The following SYCP1 variants were observed in gnomAD, a reference collection of about 807,000 sequenced individuals.
SYCP1 encodes synaptonemal complex protein 1, also known as cancer/testis antigen 8.
In SYCP1, 64 loss-of-function variants were observed where a neutral mutation model predicts 153.1. That is an observed-to-expected ratio of 0.42 (90% CI 0.34 to 0.51). The LOEUF is 0.51. Among genes scored for constraint, SYCP1 ranks in the 20% least tolerant of loss-of-function variants. SYCP1 has a pLI of 0.06. For missense variants in SYCP1, 997 were observed against 1,049.0 expected, an observed-to-expected ratio of 0.95 and a Z score of 0.68; for synonymous variants, 384 against 341.8, an observed-to-expected ratio of 1.12 and a Z score of -1.36.
At chr1:114,929,033 A>G (rs1021012295) in intron 23 of SYCP1, among the ~76,000 whole-genome samples, 2 of 152,170 alleles carry the variant, frequency 1.3e-5, no homozygotes, top group African/African-American at 4.8e-5. Context: ...CTCAAATGGC[A>G]GAAGGGACAA....
chr1:114,953,633 A>G (rs1010895583), intron 27 of SYCP1, among the ~76,000 whole-genome samples: 1 of 152,126 alleles, frequency 6.6e-6, no homozygotes, highest in Non-Finnish European at 1.5e-5. Flanking sequence ...ATCTATTTCT[A>G]TGGTCTTTAT....
intron 23 of SYCP1, among the ~76,000 whole-genome samples, chr1:114,930,962 G>A (rs1349552102): frequency 1.3e-5 from 2 of 151,732 alleles, no homozygotes; most frequent in African/African-American, 2.4e-5. Context: ...AGAAATGTAA[G>A]GTTGGTTTAA....
chr1:114,900,774 G>A lies in SYCP1; in HGVS notation c.1320+5265G>A, dbSNP rs114106259. On this transcript the variant is annotated intron_variant, in intron 16 of 31. Transcript: ENST00000369522. The stretch of plus-strand genomic sequence containing the variant: ...TTGACTTCTTCCTGCATAATTAAGG[G>A]TGTGGTTAGTTCCATATGTCCCCAT... 3.3e-3 allele frequency among the ~76,000 whole-genome samples: 500 copies of A among 152,232 alleles called. 2 individuals carry two copies. Among genetic ancestry groups the A allele is most frequent in the African/African-American group, 0.011 (474 of 41,538 alleles).
chr1:114,854,428 G>C (rs926314948), upstream of SYCP1, among the ~76,000 whole-genome samples: 7 of 152,224 alleles, frequency 4.6e-5, no homozygotes, highest in African/African-American at 7.2e-5. Flanking sequence ...GTGAGCCACC[G>C]GCCCGCCTAG....
chr1:114,909,860 T>C (rs1033398701), intron 16 of SYCP1, among the ~76,000 whole-genome samples: 12 of 152,208 alleles, frequency 7.9e-5, no homozygotes, highest in Non-Finnish European at 1.3e-4. Context: ...GTAGTCTCAT[T>C]ACTGGCTTTC....
At position 114,913,639 on chromosome 1, in the gene SYCP1, A is replaced by G. The variant is rs187067369; in HGVS notation, c.1648-336A>G. Among the ~76,000 whole-genome samples, 477 of 152,192 alleles carry G rather than the reference A, an allele frequency of 3.1e-3. 1 individual carries two copies. The highest frequency in any genetic ancestry group is 0.01 in the Admixed American group (154 of 15,264). On this transcript the variant is annotated intron_variant, in intron 19 of 31. Transcript: ENST00000369522. ...AGGCTTCTGAGAGAATATAGCATTG[A>G]TTTTGGTCTTAAAAGGTGAATTATG...
intron 27 of SYCP1, among the ~76,000 whole-genome samples, chr1:114,955,109 G>A (rs28873778): frequency 0.016 from 2,403 of 152,192 alleles, 67 homozygotes; most frequent in African/African-American, 0.054. Context: ...TTTAAAAATC[G>A]TGAATTGGTA....
chr1:114,860,376 C>T (rs945731705), intron 7 of SYCP1, among the ~76,000 whole-genome samples: 8 of 151,970 alleles, frequency 5.3e-5, no homozygotes, highest in African/African-American at 1.9e-4. Context: ...AATGAATGGC[C>T]CAACCTATTC....
rs1227094709 is a variant in SYCP1, at chr1:114,946,486, C to G, written c.2247+105C>G. On this transcript the variant is annotated intron_variant, in intron 26 of 31. Transcript: ENST00000369522. ...AAAACTAATTTTTGAGCTATAGAAT[C>G]AGAGTCTTAACTCTGAAAGGGATCT... 18 of 624,168 alleles carry G rather than the reference C, an allele frequency of 2.9e-5. No individual in the cohort carries two copies. The South Asian group carries it at 3.2e-4, about 11-fold the overall frequency. 38.7% of individuals were successfully genotyped at this position (624,168 alleles called of 1,614,324 possible).
chr1:114,891,873 C>A (rs577921374), intron 15 of SYCP1, among the ~76,000 whole-genome samples: 2 of 152,272 alleles, frequency 1.3e-5, no homozygotes, highest in South Asian at 4.1e-4. Flanking sequence ...GAGGTTTGCA[C>A]TCTTCTTGGA....
chr1:114,957,272 C>G (rs996234903), intron 27 of SYCP1, among the ~76,000 whole-genome samples: 2 of 152,148 alleles, frequency 1.3e-5, no homozygotes, highest in Non-Finnish European at 2.9e-5. Flanking sequence ...GTTGCCTAAA[C>G]TGGTCTTGAA....
intron 12 of SYCP1, among the ~76,000 whole-genome samples, chr1:114,884,165 G>T (rs17032950): frequency 0.015 from 2,316 of 152,264 alleles, 52 homozygotes; most frequent in African/African-American, 0.053. Flanking sequence ...CTCTGAGCAA[G>T]TTATATAAGT....
intron 8 of SYCP1, among the ~76,000 whole-genome samples, chr1:114,862,658 A>G (rs1003726502): frequency 1.3e-5 from 2 of 152,094 alleles, no homozygotes; most frequent in African/African-American, 4.8e-5. Context: ...TCTTACATTT[A>G]GTTTTCAGCT....
Position 114,981,414 on chromosome 1 carries a change from T to C in SYCP1, c.2461T>C (p.Ser821Pro). Reference protein sequence around the residue: ...DSKAVPSQTVSRNFTSVDHGI... With the variant: ...DSKAVPSQTVPRNFTSVDHGI... The stretch of plus-strand genomic sequence containing the variant: ...TAAAGCAGTTCCTTCACAAACTGTA[T>C]CTCGAAATTTCACATCAGTTGATCA... The change falls in exon 29 of 32, where the codon TCT (serine) becomes CCT (proline). Residue 821 changes from serine (S) to proline (P), a missense_variant. Ser to Pro is a moderately conservative substitution (Grantham distance 74, BLOSUM62 -1). Around this residue, in one of 2 missense-constraint regions of SYCP1, gnomAD observed 712 missense variants for 682.9 expected, o/e 1.04. Coordinates refer to ENST00000369522, the MANE Select transcript of SYCP1 (RefSeq NM_003176.4). 6.2e-7 allele frequency: 1 copy of C among 1,609,700 alleles called. No homozygotes were observed. Among genetic ancestry groups the C allele is most frequent in the Non-Finnish European group, 8.5e-7 (1 of 1,178,284 alleles).
intron 12 of SYCP1, among the ~76,000 whole-genome samples, chr1:114,879,067 G>A (rs1056377806): frequency 2.0e-5 from 3 of 152,102 alleles, no homozygotes; most frequent in Non-Finnish European, 4.4e-5. Context: ...GACTGGTGTG[G>A]CAACATCTTA....
chr1:114,964,557 AT>A (rs1671986525), intron 27 of SYCP1, among the ~76,000 whole-genome samples: 1 of 151,886 alleles, frequency 6.6e-6, no homozygotes, highest in Non-Finnish European at 1.5e-5. Context: ...TTTGTATAAG[AT>A]GTAAGGAAGG....
At chr1:114,872,776 T>G (rs943040911) in intron 8 of SYCP1, among the ~76,000 whole-genome samples, 11 of 152,190 alleles carry the variant, frequency 7.2e-5, no homozygotes, top group Non-Finnish European at 1.3e-4. Flanking sequence ...CTTCAAAGAT[T>G]ACTTTCCTCA....
chr1:114,882,117 C>T (rs886704762), intron 12 of SYCP1, among the ~76,000 whole-genome samples: 1 of 151,952 alleles, frequency 6.6e-6, no homozygotes, highest in Non-Finnish European at 1.5e-5. Flanking sequence ...CCCAGGAGTT[C>T]GAGGTTACAG....
intron 30 of SYCP1, among the ~76,000 whole-genome samples, chr1:114,988,994 C>T (rs1673725298): frequency 6.6e-6 from 1 of 151,832 alleles, no homozygotes; most frequent in African/African-American, 2.4e-5. Flanking sequence ...CAATGAGATC[C>T]TGTCTCTACA....
Sources: allele counts gnomAD v4.1 joint callset (sites outside exome capture counted in the v4.1 genomes callset), GRCh38; gene constraint gnomAD v4.1.1; regional missense constraint gnomAD v4.1.1; transcripts MANE v1.5; gene names NCBI Gene and HGNC (gene_info 2026-07-23, HGNC 2026-07-21).